The following HEMK2 variants were observed in gnomAD, a reference collection of about 807,000 sequenced individuals.
The protein encoded by HEMK2 is HemK methyltransferase 2, ETF1 glutamine and histone H4 lysine.
the HEMK2 span, among the ~76,000 whole-genome samples, chr21:28,646,736 C>T: frequency 6.6e-6 from 1 of 152,170 alleles, no homozygotes; most frequent in Non-Finnish European, 1.5e-5. Context: ...TGAGTGTCAG[C>T]CTGGAGCTCA....
chr21:28,699,393 A>T, the HEMK2 span, among the ~76,000 whole-genome samples: 1 of 152,186 alleles, frequency 6.6e-6, no homozygotes, highest in African/African-American at 2.4e-5. Flanking sequence ...ATTTAGGAAA[A>T]ATGAATACAT....
At chr21:28,602,361 C>T in the HEMK2 span, among the ~76,000 whole-genome samples, 2 of 152,102 alleles carry the variant, frequency 1.3e-5, no homozygotes, top group African/African-American at 4.8e-5. Flanking sequence ...ACTTATTTTA[C>T]TGGGTTTCAA....
At chr21:28,689,676 A>C in the HEMK2 span, among the ~76,000 whole-genome samples, 1 of 152,188 alleles carries the variant, frequency 6.6e-6, no homozygotes, top group African/African-American at 2.4e-5. Flanking sequence ...ACTGCTGTGA[A>C]GAGACATTGA....
chr21:28,747,711 G>A, the HEMK2 span, among the ~76,000 whole-genome samples: 11 of 152,298 alleles, frequency 7.2e-5, no homozygotes, highest in African/African-American at 2.4e-4. Flanking sequence ...AAACAAAATT[G>A]TATCCTTTGC....
the HEMK2 span, among the ~76,000 whole-genome samples, chr21:28,635,259 C>T: frequency 2.6e-5 from 4 of 152,166 alleles, no homozygotes; most frequent in East Asian, 7.7e-4. Context: ...CCTGCCACCA[C>T]ACCCAGCTAA....
At chr21:28,751,058 C>T in the HEMK2 span, among the ~76,000 whole-genome samples, 44 of 151,944 alleles carry the variant, frequency 2.9e-4, no homozygotes, top group Admixed American at 1.3e-3. Context: ...GGTGAAACCC[C>T]GTCTCTATGA....
chr21:28,649,902 G>C, the HEMK2 span, among the ~76,000 whole-genome samples: 94 of 152,218 alleles, frequency 6.2e-4, no homozygotes, highest in African/African-American at 2.2e-3. Context: ...AAGTTTAAAA[G>C]CATGAAACTA....
At chr21:28,755,230 G>T in the HEMK2 span, among the ~76,000 whole-genome samples, 1 of 152,186 alleles carries the variant, frequency 6.6e-6, no homozygotes, top group Admixed American at 6.5e-5. Flanking sequence ...CTAAACAAAA[G>T]GAAGGGTATC....
At chr21:28,881,305 G>A in the HEMK2 span, among the ~76,000 whole-genome samples, 1 of 152,146 alleles carries the variant, frequency 6.6e-6, no homozygotes, top group South Asian at 2.1e-4. Flanking sequence ...CAGCTCCTGG[G>A]ATGGAACTAT....
At chr21:28,669,884 C>G in the HEMK2 span, among the ~76,000 whole-genome samples, 1 of 152,134 alleles carries the variant, frequency 6.6e-6, no homozygotes, top group African/African-American at 2.4e-5. Flanking sequence ...GGAACTCATG[C>G]TCCCTACATT....
chr21:28,615,863 G>A, the HEMK2 span, among the ~76,000 whole-genome samples: 3 of 152,212 alleles, frequency 2.0e-5, no homozygotes, highest in Non-Finnish European at 4.4e-5. Flanking sequence ...ACAGGAACTA[G>A]TGCAGTGATC....
chr21:28,876,420 C>T, the HEMK2 span: 16 of 1,611,480 alleles, frequency 9.9e-6, no homozygotes, highest in African/African-American at 1.3e-5. Flanking sequence ...GAAAGAGTTT[C>T]TTGGCCTGCT....
the HEMK2 span, among the ~76,000 whole-genome samples, chr21:28,823,936 T>A: frequency 1.3e-5 from 2 of 152,136 alleles, no homozygotes. Context: ...AACCCTCAGG[T>A]AAGCTTGTGT....
At chr21:28,834,426 T>C in the HEMK2 span, among the ~76,000 whole-genome samples, 1 of 152,182 alleles carries the variant, frequency 6.6e-6, no homozygotes, top group Non-Finnish European at 1.5e-5. Context: ...AGAATTTTCT[T>C]ACTTTACCTG....
At chr21:28,671,852 C>G in the HEMK2 span, among the ~76,000 whole-genome samples, 2 of 152,154 alleles carry the variant, frequency 1.3e-5, no homozygotes. Flanking sequence ...TAATGTCACA[C>G]GTAAATTCTG....
the HEMK2 span, among the ~76,000 whole-genome samples, chr21:28,611,296 T>A: frequency 6.6e-6 from 1 of 152,208 alleles, no homozygotes; most frequent in Admixed American, 6.5e-5. Flanking sequence ...TGTTCCTGAA[T>A]GATCATTGGG....
chr21:28,822,455 G>T, the HEMK2 span, among the ~76,000 whole-genome samples: 1 of 151,914 alleles, frequency 6.6e-6, no homozygotes, highest in Non-Finnish European at 1.5e-5. Flanking sequence ...GTTCTAAAAA[G>T]ATATAGGAGA....
the HEMK2 span, among the ~76,000 whole-genome samples, chr21:28,678,482 C>A: frequency 1.7e-3 from 266 of 152,224 alleles, 1 homozygote; most frequent in African/African-American, 6.1e-3. Context: ...AGGATATTAC[C>A]CAGGAGAACT....
chr21:28,799,386 A>T, the HEMK2 span, among the ~76,000 whole-genome samples: 1 of 152,168 alleles, frequency 6.6e-6, no homozygotes, highest in African/African-American at 2.4e-5. Flanking sequence ...CCCATGATTC[A>T]ATTACCTCCC....
Sources: allele counts gnomAD v4.1 joint callset (sites outside exome capture counted in the v4.1 genomes callset), GRCh38; gene constraint gnomAD v4.1.1; transcripts MANE v1.5; gene names NCBI Gene and HGNC (gene_info 2026-07-23, HGNC 2026-07-21).